The following KCNQ5 variants were observed in gnomAD, a reference collection of about 807,000 sequenced individuals.
KCNQ5 encodes the protein potassium voltage-gated channel subfamily Q member 5.
A neutral mutation model predicts 98.2 loss-of-function variants in KCNQ5; 30 were observed. The ratio of observed to expected loss-of-function variants is 0.31; its 90% CI spans 0.23 to 0.41. KCNQ5 has a LOEUF of 0.41. KCNQ5 is among the 10% of genes least tolerant of loss of function. The pLI, the probability that KCNQ5 is intolerant of heterozygous loss-of-function variation, is 1.00. For missense variants in KCNQ5, 835 were observed against 1,182.5 expected (o/e 0.71, Z 4.31); for synonymous variants, 458 against 449.4 (o/e 1.02, Z -0.24).
intron 1 of KCNQ5, among the ~76,000 whole-genome samples, chr6:72,690,442 A>G (rs1219668244): frequency 6.6e-6 from 1 of 151,906 alleles, no homozygotes; most frequent in Non-Finnish European, 1.5e-5. Context: ...CCCTCACTGA[A>G]TTGTGTGTTT....
intron 10 of KCNQ5, among the ~76,000 whole-genome samples, chr6:73,150,239 CG>C (rs1582448455): frequency 1.3e-5 from 2 of 151,742 alleles, no homozygotes; most frequent in East Asian, 3.9e-4. Flanking sequence ...GCAAAGAAGC[CG>C]GATCACTTAC....
At chr6:73,114,753 T>C (rs1775413345) in intron 7 of KCNQ5, among the ~76,000 whole-genome samples, 1 of 152,166 alleles carries the variant, frequency 6.6e-6, no homozygotes, top group Non-Finnish European at 1.5e-5. Context: ...TACATCCTCA[T>C]AAATATATGC....
chr6:73,098,934 A>G (rs1471805395), intron 5 of KCNQ5, among the ~76,000 whole-genome samples: 3 of 152,206 alleles, frequency 2.0e-5, no homozygotes, highest in African/African-American at 7.2e-5. Context: ...AATAACTACA[A>G]CAGCTTTTCA....
At chr6:72,845,221 C>CA (rs1343826135) in intron 1 of KCNQ5, among the ~76,000 whole-genome samples, 2 of 152,030 alleles carry the variant, frequency 1.3e-5, no homozygotes, top group East Asian at 3.9e-4. Flanking sequence ...CAAATACTAG[C>CA]AAAAAGAATG....
rs559577442 is a variant in KCNQ5 at position 72,642,714 on chromosome 6, A to G, written c.398+20127A>G. Among the ~76,000 whole-genome samples the G allele has an allele frequency of 6.2e-4, 95 of 152,278 alleles. 1 individual carries two copies. The highest frequency in any genetic ancestry group is 2.2e-3 in the African/African-American group (92 of 41,566). The stretch of plus-strand genomic sequence containing the variant: ...AAGCAGTATGATGATTTCTCAAAGA[A>G]CTAAACATAGAGCTGCCATTCAACC... On this transcript the variant is annotated intron_variant, in intron 1 of 13. Coordinates refer to ENST00000370398, the MANE Select transcript of KCNQ5 (RefSeq NM_019842.4).
At chr6:73,188,160 C>T (rs1010842390) in intron 11 of KCNQ5, among the ~76,000 whole-genome samples, 1 of 152,188 alleles carries the variant, frequency 6.6e-6, no homozygotes, top group African/African-American at 2.4e-5. Context: ...CATGGGAAAA[C>T]CAGGAGGTAA....
At chr6:72,716,890 C>G (rs1400562251) in intron 1 of KCNQ5, among the ~76,000 whole-genome samples, 1 of 152,088 alleles carries the variant, frequency 6.6e-6, no homozygotes, top group African/African-American at 2.4e-5. Context: ...AAAGCAGCAA[C>G]TTAAATTCAG....
chr6:73,001,059 C>G (rs1769546065), intron 1 of KCNQ5, among the ~76,000 whole-genome samples: 1 of 152,178 alleles, frequency 6.6e-6, no homozygotes, highest in Non-Finnish European at 1.5e-5. Context: ...ATTTTGTACC[C>G]TCCTTCTAGG....
chr6:72,632,485 CG>C (rs2098921555), intron 1 of KCNQ5, among the ~76,000 whole-genome samples: 1 of 151,848 alleles, frequency 6.6e-6, no homozygotes, highest in Non-Finnish European at 1.5e-5. Context: ...ATTTTAGAGA[CG>C]GGGGTACTTG....
At chr6:72,780,987 A>G (rs1773435704) in intron 1 of KCNQ5, among the ~76,000 whole-genome samples, 1 of 152,170 alleles carries the variant, frequency 6.6e-6, no homozygotes, top group South Asian at 2.1e-4. Flanking sequence ...GTTTATATCT[A>G]AACATAAATC....
At chr6:73,116,946 G>A (rs978195500) in intron 7 of KCNQ5, among the ~76,000 whole-genome samples, 1 of 152,116 alleles carries the variant, frequency 6.6e-6, no homozygotes, top group African/African-American at 2.4e-5. Context: ...GGTAATACTT[G>A]CAAGACAAAC....
intron 6 of KCNQ5, among the ~76,000 whole-genome samples, chr6:73,108,654 A>G (rs4708032): frequency 0.96 from 145,605 of 152,162 alleles, 69,662 homozygotes; most frequent in South Asian, 0.98. Context: ...GTGAAACCAT[A>G]TATCTACTAA....
At chr6:72,827,006 A>G (rs534593230) in intron 1 of KCNQ5, among the ~76,000 whole-genome samples, 3 of 152,274 alleles carry the variant, frequency 2.0e-5, no homozygotes, top group African/African-American at 7.2e-5. Context: ...CTTATTTCAC[A>G]TAACGTAATG....
chr6:72,624,443 G>C (rs754211112), intron 1 of KCNQ5, among the ~76,000 whole-genome samples: 1 of 151,382 alleles, frequency 6.6e-6, no homozygotes, highest in Non-Finnish European at 1.5e-5. Flanking sequence ...GTTAAAGAAA[G>C]CCTTGGTTGG....
rs1231931587 is a variant in KCNQ5 at position 73,172,317 on chromosome 6, T to G, written c.1577+2463T>G. Among the ~76,000 whole-genome samples, 4 of 152,220 alleles carry G rather than the reference T, an allele frequency of 2.6e-5. No homozygotes were observed. In the East Asian group the frequency reaches 7.7e-4, roughly 29 times the overall value. The stretch of plus-strand genomic sequence containing the variant: ...GGCAGATGCTGCGGTGAGCCAAGAT[T>G]GTGCCACTGCACTTCACCCTGGGCA... On this transcript the variant is annotated intron_variant, in intron 11 of 13. Transcript: ENST00000370398.
At chr6:73,133,343 A>G in intron 9 of KCNQ5, 78 bp from the exon 10 acceptor site, 2 of 1,197,430 alleles carry the variant, frequency 1.7e-6, no homozygotes, top group Non-Finnish European at 2.4e-6. Flanking sequence ...TGACCACATG[A>G]GCTTCATCAA....
intron 1 of KCNQ5, among the ~76,000 whole-genome samples, chr6:72,688,837 T>G (rs1246186872): frequency 2.0e-5 from 3 of 152,184 alleles, no homozygotes; most frequent in Admixed American, 6.5e-5. Context: ...TTTTTAAAAT[T>G]TTTGGTCTTT....
At chr6:72,716,084 G>A (rs1430191083) in intron 1 of KCNQ5, among the ~76,000 whole-genome samples, 1 of 151,996 alleles carries the variant, frequency 6.6e-6, no homozygotes, top group East Asian at 1.9e-4. Flanking sequence ...GTTGCATCTT[G>A]TTCTTAACTC....
Position 72,724,048 on chromosome 6 carries a change from G to A in KCNQ5, c.398+101461G>A, listed in dbSNP as rs1327275277. Among the ~76,000 whole-genome samples, 7 of 151,518 alleles carry A rather than the reference G, an allele frequency of 4.6e-5. No individual in the cohort carries two copies. The East Asian group carries it at 1.2e-3, about 25-fold the overall frequency. On this transcript the variant is annotated intron_variant, in intron 1 of 13. Coordinates refer to ENST00000370398, the MANE Select transcript of KCNQ5 (RefSeq NM_019842.4). Reference sequence around the variant, plus strand: ...CTTATTTAGAAACTCAGGCTTATTTGTAAATCTGTTATCTCTATAGATGTT... The same window carrying A: ...CTTATTTAGAAACTCAGGCTTATTTATAAATCTGTTATCTCTATAGATGTT...
Sources: allele counts gnomAD v4.1 joint callset (sites outside exome capture counted in the v4.1 genomes callset), GRCh38; gene constraint gnomAD v4.1.1; transcripts MANE v1.5; gene names NCBI Gene and HGNC (gene_info 2026-07-23, HGNC 2026-07-21).